FGGY: variants seen among roughly 807,000 people sequenced by gnomAD.
FGGY encodes FGGY carbohydrate kinase domain-containing protein.
In FGGY, 72 loss-of-function variants were observed where a neutral mutation model predicts 71.3. The ratio of observed to expected loss-of-function variants is 1.01; its 90% CI spans 0.84 to 1.23. The LOEUF is 1.23. FGGY is among the 50% of genes most tolerant of loss of function. FGGY has a pLI of 0.00. For synonymous variants in FGGY, 251 were observed against 250.3 expected (o/e 1.00, Z -0.02); for missense variants, 668 against 682.3 (o/e 0.98, Z 0.23).
intron 4 of FGGY, among the ~76,000 whole-genome samples, chr1:59,361,856 A>G (rs2055601912): frequency 6.6e-6 from 1 of 152,156 alleles, no homozygotes; most frequent in Non-Finnish European, 1.5e-5. Context: ...GTGCCTGAGA[A>G]TAAAGCAGTG....
intron 14 of FGGY, among the ~76,000 whole-genome samples, chr1:59,737,161 C>T (rs1013015973): frequency 8.5e-5 from 13 of 152,254 alleles, no homozygotes; most frequent in Non-Finnish European, 1.8e-4. Flanking sequence ...ACCTAGATTT[C>T]AGAGGATGTA....
intron 7 of FGGY, among the ~76,000 whole-genome samples, chr1:59,518,959 T>C (rs1400766678): frequency 6.6e-6 from 1 of 152,254 alleles, no homozygotes; most frequent in Non-Finnish European, 1.5e-5. Flanking sequence ...AGGACAGGTA[T>C]GTGTTCCCTC....
chr1:59,718,841 C>CT (rs1272576087), intron 14 of FGGY, among the ~76,000 whole-genome samples: 1 of 152,228 alleles, frequency 6.6e-6, no homozygotes, highest in Non-Finnish European at 1.5e-5. Context: ...GCTTTCACTA[C>CT]TTTCCCCCAG....
chr1:59,549,529 CT>C (rs1479662710), intron 7 of FGGY, among the ~76,000 whole-genome samples: 1 of 152,166 alleles, frequency 6.6e-6, no homozygotes, highest in Admixed American at 6.5e-5. Context: ...ATTTCTTCAA[CT>C]GTGAACTGGA....
At chr1:59,733,748 CAG>C (rs2098071555) in intron 14 of FGGY, among the ~76,000 whole-genome samples, 1 of 152,198 alleles carries the variant, frequency 6.6e-6, no homozygotes, top group African/African-American at 2.4e-5. Flanking sequence ...GATCTAAAAA[CAG>C]GAGCTCTGTG....
chr1:59,405,938 A>G (rs1391457344), intron 5 of FGGY, among the ~76,000 whole-genome samples: 2 of 151,240 alleles, frequency 1.3e-5, no homozygotes, highest in African/African-American at 2.4e-5. Context: ...TTCTTTTTGA[A>G]ATCTGATATT....
chr1:59,300,038 G>A (rs946601519), intron 1 of FGGY, among the ~76,000 whole-genome samples: 1 of 152,152 alleles, frequency 6.6e-6, no homozygotes, highest in African/African-American at 2.4e-5. Context: ...CATATCTAAT[G>A]GAAATTAATT....
At chr1:59,751,837 C>T (rs754765781) in intron 14 of FGGY, among the ~76,000 whole-genome samples, 2 of 152,236 alleles carry the variant, frequency 1.3e-5, no homozygotes, top group African/African-American at 4.8e-5. Flanking sequence ...ATCTCCATCA[C>T]GTGCAAATCC....
chr1:59,571,482 G>A (rs1045866950), intron 8 of FGGY, among the ~76,000 whole-genome samples: 6 of 152,164 alleles, frequency 3.9e-5, no homozygotes, highest in African/African-American at 1.2e-4. Flanking sequence ...TTCATACCCT[G>A]CTGGGGGAAG....
chr1:59,421,877 A>C (rs922138433), intron 5 of FGGY, among the ~76,000 whole-genome samples: 3 of 152,066 alleles, frequency 2.0e-5, no homozygotes, highest in African/African-American at 7.2e-5. Flanking sequence ...TGAGAATGTG[A>C]AGGATTTGGG....
intron 7 of FGGY, among the ~76,000 whole-genome samples, chr1:59,532,497 CAA>C (rs2095174172): frequency 6.6e-6 from 1 of 152,106 alleles, no homozygotes; most frequent in South Asian, 2.1e-4. Flanking sequence ...TAAAAGAACT[CAA>C]GTGAGTTATT....
chr1:59,412,229 A>G (rs1034656819), intron 5 of FGGY, among the ~76,000 whole-genome samples: 4 of 152,088 alleles, frequency 2.6e-5, no homozygotes, highest in South Asian at 2.1e-4. Context: ...ACGAGGTTCC[A>G]TGGGGTTTCC....
chr1:59,495,893 A>T (rs667634), intron 6 of FGGY, among the ~76,000 whole-genome samples: 76,708 of 151,918 alleles, frequency 0.5, 19,887 homozygotes, highest in African/African-American at 0.62. Flanking sequence ...TAGCCTTGGA[A>T]TATAGTTTGA....
intron 8 of FGGY, among the ~76,000 whole-genome samples, chr1:59,606,212 C>T (rs1004028069): frequency 6.6e-6 from 1 of 152,104 alleles, no homozygotes; most frequent in Non-Finnish European, 1.5e-5. Context: ...CTCTCTTACC[C>T]ACATGGCTTT....
At chr1:59,709,498 A>G (rs1411386758) in intron 14 of FGGY, among the ~76,000 whole-genome samples, 1 of 151,882 alleles carries the variant, frequency 6.6e-6, no homozygotes, top group Non-Finnish European at 1.5e-5. Flanking sequence ...ACACACACAC[A>G]CACTGGAAGA....
chr1:59,447,706 C>T (rs1487692661), intron 5 of FGGY, among the ~76,000 whole-genome samples: 1 of 152,160 alleles, frequency 6.6e-6, no homozygotes, highest in East Asian at 1.9e-4. Flanking sequence ...ACTTGGTTCT[C>T]CTCCTCTCTT....
At chr1:59,302,902 AGTT>A (rs879490711) in intron 1 of FGGY, among the ~76,000 whole-genome samples, 2 of 152,158 alleles carry the variant, frequency 1.3e-5, no homozygotes, top group African/African-American at 2.4e-5. Flanking sequence ...CAGGGCCTGG[AGTT>A]GTTGTTTTGG....
chr1:59,352,901 GA>G (rs2053577138), intron 4 of FGGY, among the ~76,000 whole-genome samples: 1 of 152,044 alleles, frequency 6.6e-6, no homozygotes, highest in Non-Finnish European at 1.5e-5. Context: ...TTCTTTCCTT[GA>G]AATGCCATCA....
At chr1:59,590,782 C>T (rs1419587248) in intron 8 of FGGY, among the ~76,000 whole-genome samples, 23 of 152,118 alleles carry the variant, frequency 1.5e-4, no homozygotes, top group Non-Finnish European at 2.5e-4. Context: ...ATTGATGGGA[C>T]GTATCTCAAA....
Sources: gnomAD v4.1 joint callset for allele counts (sites outside exome capture counted in the v4.1 genomes callset) on GRCh38, gnomAD v4.1.1 for gene constraint, MANE v1.5 for transcripts, NCBI Gene and HGNC (gene_info 2026-07-23, HGNC 2026-07-21) for gene names.